The following TTC23L variants were observed in gnomAD, a reference collection of about 807,000 sequenced individuals.
The protein encoded by TTC23L is tetratricopeptide repeat protein 23-like.
Under a neutral mutation model 48.1 loss-of-function variants are expected in TTC23L, and 42 were observed. The observed-to-expected ratio is 0.87, with a 90% CI of 0.68 to 1.13. TTC23L has a LOEUF of 1.13. Ranked by LOEUF, TTC23L falls within the 50% of genes most tolerant of loss-of-function variation. The pLI is 0.00. For synonymous variants in TTC23L, 159 were observed against 157.2 expected (o/e 1.01, Z -0.09); for missense variants, 391 against 421.0 (o/e 0.93, Z 0.62).
chr5:34,896,161 C>T (rs1341455280), intron 9 of TTC23L, among the ~76,000 whole-genome samples: 1 of 152,166 alleles, frequency 6.6e-6, no homozygotes, highest in Non-Finnish European at 1.5e-5. Context: ...GCTGCTAAGC[C>T]ACAGTGAGCC....
the TTC23L span, chr5:34,914,882 A>G: frequency 3.7e-6 from 6 of 1,614,138 alleles, no homozygotes; most frequent in Non-Finnish European, 5.1e-6. Flanking sequence ...CTGTTGGGTC[A>G]GAAGGGGCAT....
chr5:34,908,115 TAATA>T, the TTC23L span: 2 of 151,110 alleles, frequency 1.3e-5, no homozygotes, highest in Non-Finnish European at 2.9e-5. Context: ...CTTTTTCTAA[TAATA>T]AATAAATAAA....
chr5:34,913,517 GTTAAA>G, the TTC23L span: 1 of 1,604,392 alleles, frequency 6.2e-7, no homozygotes, highest in Non-Finnish European at 8.5e-7. Context: ...TAAAAGGACA[GTTAAA>G]TTAATTCGAA....
chr5:34,889,118 C>A (rs74321882), intron 9 of TTC23L, among the ~76,000 whole-genome samples: 8 of 152,076 alleles, frequency 5.3e-5, no homozygotes, highest in Non-Finnish European at 1.2e-4. Flanking sequence ...GTATTGACCT[C>A]GAACTGTTCT....
intron 9 of TTC23L, 28 bp downstream of exon 9, chr5:34,880,336 T>C: frequency 6.3e-7 from 1 of 1,584,184 alleles, no homozygotes; most frequent in Non-Finnish European, 8.6e-7. Flanking sequence ...ATAAACAGAA[T>C]TGCTAGTTTG....
intron 9 of TTC23L, among the ~76,000 whole-genome samples, chr5:34,881,976 G>A (rs867985586): frequency 4.0e-5 from 6 of 151,824 alleles, no homozygotes; most frequent in Admixed American, 1.3e-4. Flanking sequence ...GGCTGGTCTC[G>A]AACTCCCACC....
chr5:34,910,584 C>T, the TTC23L span, among the ~76,000 whole-genome samples: 387 of 152,154 alleles, frequency 2.5e-3, 4 homozygotes, highest in African/African-American at 8.7e-3. Flanking sequence ...CGTGCCACCA[C>T]GCCCAACTAA....
At chr5:34,860,815 C>T (rs1760561448) in intron 4 of TTC23L, 1 of 152,162 alleles carries the variant, frequency 6.6e-6, no homozygotes, top group African/African-American at 2.4e-5. Context: ...CTCATATCTA[C>T]TATTTTTCTT....
chr5:34,919,274 CAAAAAAAAAAAA>C, the TTC23L span, among the ~76,000 whole-genome samples: 8 of 35,964 alleles, frequency 2.2e-4, no homozygotes, highest in African/African-American at 7.7e-4. Context: ...GACCCTGTCT[CAAAAAAAAAAAA>C]AAAAAAAAAA....
chr5:34,888,985 T>C (rs1327890410), intron 9 of TTC23L, among the ~76,000 whole-genome samples: 1 of 152,174 alleles, frequency 6.6e-6, no homozygotes, highest in Non-Finnish European at 1.5e-5. Flanking sequence ...ACAGAACCTC[T>C]TCAGATTCTT....
At chr5:34,852,322 CA>C (rs565191592) in intron 4 of TTC23L, among the ~76,000 whole-genome samples, 80 of 152,250 alleles carry the variant, frequency 5.3e-4, no homozygotes, top group African/African-American at 1.8e-3. Context: ...TCTGTAGACC[CA>C]GGGGGTTAAG....
chr5:34,862,803 GCACTGCCCACTTTATC>G, intron 4 of TTC23L, 79 bp from the exon 5 acceptor site: 1 of 1,449,928 alleles, frequency 6.9e-7, no homozygotes, highest in Non-Finnish European at 9.4e-7. Context: ...TACGACAACT[GCACTGCCCACTTTATC>G]CCCTCCCAGG....
intron 9 of TTC23L, among the ~76,000 whole-genome samples, chr5:34,890,065 T>G (rs1350527791): frequency 2.0e-5 from 3 of 151,928 alleles, no homozygotes; most frequent in African/African-American, 7.2e-5. Context: ...TCTTGATCTC[T>G]TGGCCTCGTG....
intron 8 of TTC23L, 95 bp downstream of exon 8, chr5:34,869,108 T>A: frequency 1.9e-6 from 2 of 1,025,950 alleles, no homozygotes; most frequent in Middle Eastern, 2.1e-4. Flanking sequence ...AGCTATTTAT[T>A]CCTGTAATGG....
chr5:34,878,979 G>A lies in TTC23L; in HGVS notation c.950-1202G>A, dbSNP rs141152049. Reference sequence around the variant, plus strand: ...CAGTGGATGATTGGATAAAGAAAATGTGGTACATATACACAATAGAATACT... The same window carrying A: ...CAGTGGATGATTGGATAAAGAAAATATGGTACATATACACAATAGAATACT... On this transcript the variant is annotated intron_variant, in intron 8 of 10. Transcript: ENST00000505624. 6.7e-3 allele frequency among the ~76,000 whole-genome samples: 1,027 copies of A among 152,236 alleles called. 10 individuals are homozygous for A. The highest frequency in any genetic ancestry group is 0.024 in the African/African-American group (994 of 41,546).
chr5:34,841,587 G>A (rs943689843), intron 2 of TTC23L, among the ~76,000 whole-genome samples: 10 of 152,246 alleles, frequency 6.6e-5, no homozygotes, highest in South Asian at 6.2e-4. Flanking sequence ...GTGCAATCAC[G>A]GCTCACTGCA....
At chr5:34,907,774 A>G in the TTC23L span, 1 of 152,364 alleles carries the variant, frequency 6.6e-6, no homozygotes, top group South Asian at 2.1e-4. Context: ...TTAAAAATAA[A>G]TCACATAAAG....
chr5:34,894,032 AG>A (rs1181504133), intron 9 of TTC23L, among the ~76,000 whole-genome samples: 1 of 152,164 alleles, frequency 6.6e-6, no homozygotes, highest in African/African-American at 2.4e-5. Context: ...AAGTATGGGG[AG>A]CTCAGCCTTC....
the TTC23L span, chr5:34,915,094 C>T: frequency 6.8e-6 from 4 of 586,044 alleles, no homozygotes; most frequent in Non-Finnish European, 1.2e-5. Context: ...TGTCACTTAA[C>T]TATCTTTGTA....
Sources: allele counts gnomAD v4.1 joint callset (sites outside exome capture counted in the v4.1 genomes callset), GRCh38; gene constraint gnomAD v4.1.1; transcripts MANE v1.5; gene names NCBI Gene and HGNC (gene_info 2026-07-23, HGNC 2026-07-21).